NKAIN2: variants seen among roughly 807,000 people sequenced by gnomAD.
The protein encoded by NKAIN2 is sodium/potassium transporting ATPase interacting 2, also known as sodium/potassium-transporting ATPase subunit beta-1-interacting protein 2.
Under a neutral mutation model 32.6 loss-of-function variants are expected in NKAIN2, and 14 were observed. That is an observed-to-expected ratio of 0.43 (90% CI 0.28 to 0.67). The LOEUF is 0.67. NKAIN2 is among the 30% of genes least tolerant of loss of function. NKAIN2 has a pLI of 0.17. For synonymous variants in NKAIN2, 80 were observed against 87.2 expected, an observed-to-expected ratio of 0.92 and a Z score of 0.46; for missense variants, 198 against 258.3, an observed-to-expected ratio of 0.77 and a Z score of 1.60.
intron 3 of NKAIN2, among the ~76,000 whole-genome samples, chr6:124,491,024 T>G (rs1169899043): frequency 6.6e-6 from 1 of 152,048 alleles, no homozygotes; most frequent in African/African-American, 2.4e-5. Flanking sequence ...ATTTTCTATA[T>G]TTATAAATTT....
chr6:124,386,823 A>ATTTATTTGTAAACTATT (rs1474172400), intron 3 of NKAIN2, among the ~76,000 whole-genome samples: 2 of 152,130 alleles, frequency 1.3e-5, no homozygotes, highest in Non-Finnish European at 2.9e-5. Flanking sequence ...AAAACAAGTT[A>ATTTATTTGTAAACTATT]TTTATTTGTA....
At chr6:124,387,535 C>T (rs1172653898) in intron 3 of NKAIN2, among the ~76,000 whole-genome samples, 2 of 152,022 alleles carry the variant, frequency 1.3e-5, no homozygotes, top group Non-Finnish European at 2.9e-5. Context: ...TTAGGTGAAG[C>T]TTGAAATGAC....
intron 1 of NKAIN2, among the ~76,000 whole-genome samples, chr6:124,078,786 T>TTGTGTGTGTGTG (rs71021477): frequency 5.5e-4 from 80 of 144,732 alleles, no homozygotes; most frequent in African/African-American, 1.9e-3. Flanking sequence ...TATGTCGTTT[T>TTGTGTGTGTGTG]TGTGTGTGTG....
At chr6:123,871,971 A>G (rs1772912888) in intron 1 of NKAIN2, among the ~76,000 whole-genome samples, 1 of 152,132 alleles carries the variant, frequency 6.6e-6, no homozygotes, top group African/African-American at 2.4e-5. Context: ...AGAGCAGTGG[A>G]TTCTAGATTT....
At chr6:124,424,020 G>A (rs139130744) in intron 3 of NKAIN2, among the ~76,000 whole-genome samples, 3,118 of 152,192 alleles carry the variant, frequency 0.02, 121 homozygotes, top group African/African-American at 0.071. Flanking sequence ...TGAGACAAGA[G>A]TCTGGCTCTG....
intron 3 of NKAIN2, among the ~76,000 whole-genome samples, chr6:124,609,797 T>C (rs1053708427): frequency 1.1e-4 from 16 of 151,790 alleles, no homozygotes; most frequent in Admixed American, 3.3e-4. Flanking sequence ...ATAGACAGAG[T>C]GGGGTAGTGA....
At chr6:123,984,494 A>T (rs933550409) in intron 1 of NKAIN2, among the ~76,000 whole-genome samples, 2 of 152,164 alleles carry the variant, frequency 1.3e-5, no homozygotes, top group East Asian at 3.9e-4. Context: ...CTGTTTTACC[A>T]ATACAGTAAT....
chr6:124,156,787 T>A (rs1788007396), intron 1 of NKAIN2, among the ~76,000 whole-genome samples: 1 of 151,932 alleles, frequency 6.6e-6, no homozygotes, highest in Admixed American at 6.6e-5. Context: ...TTTAGGTAAT[T>A]ACAGGAGTAC....
rs555545925 is a variant in NKAIN2 at position 124,654,236 on chromosome 6, G to A, written c.274-3950G>A. 1.1e-4 allele frequency among the ~76,000 whole-genome samples: 16 copies of A among 152,158 alleles called. No individual in the cohort carries two copies. In the South Asian group the frequency reaches 1.4e-3, roughly 14 times the overall value. ...AGGGTACTATGAAATGGAAAGAACC[G>A]TGGACAAGAAATGCTATTTTTGGCT... On this transcript the variant is annotated intron_variant, in intron 3 of 6. Coordinates refer to ENST00000368417, the MANE Select transcript of NKAIN2 (RefSeq NM_001040214.3).
intron 1 of NKAIN2, among the ~76,000 whole-genome samples, chr6:124,200,642 A>G (rs1470239895): frequency 2.0e-5 from 3 of 152,098 alleles, no homozygotes. Flanking sequence ...AGAATTAAGA[A>G]TTATATTATA....
intron 1 of NKAIN2, among the ~76,000 whole-genome samples, chr6:124,017,852 A>G (rs1780659420): frequency 6.6e-6 from 1 of 151,500 alleles, no homozygotes; most frequent in Non-Finnish European, 1.5e-5. Context: ...CAGTGTGAGC[A>G]TTTGGTGGAT....
At chr6:124,450,282 T>A (rs1776047580) in intron 3 of NKAIN2, among the ~76,000 whole-genome samples, 1 of 151,770 alleles carries the variant, frequency 6.6e-6, no homozygotes. Context: ...TGTTTTTCTG[T>A]TTCATCTTCT....
intron 2 of NKAIN2, among the ~76,000 whole-genome samples, chr6:124,328,999 A>G (rs1007727156): frequency 6.6e-5 from 10 of 152,182 alleles, no homozygotes; most frequent in African/African-American, 2.4e-4. Flanking sequence ...TTCTTTTCCA[A>G]GGTGAATATA....
At chr6:124,045,103 T>A (rs1434217873) in intron 1 of NKAIN2, among the ~76,000 whole-genome samples, 1 of 151,922 alleles carries the variant, frequency 6.6e-6, no homozygotes, top group Non-Finnish European at 1.5e-5. Flanking sequence ...CTCTTTTTCA[T>A]GGCATTATTC....
At chr6:124,114,608 G>C (rs1169982424) in intron 1 of NKAIN2, among the ~76,000 whole-genome samples, 6 of 152,062 alleles carry the variant, frequency 3.9e-5, no homozygotes, top group African/African-American at 1.2e-4. Context: ...GAAAAGAGCT[G>C]AGAACTAAGC....
At chr6:124,569,584 C>A (rs1011319803) in intron 3 of NKAIN2, among the ~76,000 whole-genome samples, 1 of 152,112 alleles carries the variant, frequency 6.6e-6, no homozygotes, top group African/African-American at 2.4e-5. Flanking sequence ...CTCGTGAGAT[C>A]TGATGGGTTT....
chr6:124,528,325 T>G (rs961334875), intron 3 of NKAIN2, among the ~76,000 whole-genome samples: 1 of 152,230 alleles, frequency 6.6e-6, no homozygotes, highest in African/African-American at 2.4e-5. Context: ...GCCCTAAGGT[T>G]CTCTTATTTA....
At chr6:124,041,728 A>C (rs1781881646) in intron 1 of NKAIN2, among the ~76,000 whole-genome samples, 1 of 152,108 alleles carries the variant, frequency 6.6e-6, no homozygotes, top group Non-Finnish European at 1.5e-5. Context: ...AAAAAGGGAA[A>C]AAAACAGTTT....
chr6:124,421,986 C>T (rs1176367400), intron 3 of NKAIN2, among the ~76,000 whole-genome samples: 3 of 151,828 alleles, frequency 2.0e-5, no homozygotes, highest in African/African-American at 7.3e-5. Flanking sequence ...TATTCTGGTC[C>T]CCTTCAGTAG....
Sources: allele counts gnomAD v4.1 joint callset (sites outside exome capture counted in the v4.1 genomes callset), GRCh38; gene constraint gnomAD v4.1.1; transcripts MANE v1.5; gene names NCBI Gene and HGNC (gene_info 2026-07-23, HGNC 2026-07-21).